Variants in ARB2A observed in about 807,000 individuals in gnomAD.
ARB2A encodes ARB2 cotranscriptional regulator A, also known as cotranscriptional regulator ARB2A.
At chr5:93,960,093 C>A in the ARB2A span, among the ~76,000 whole-genome samples, 47 of 143,374 alleles carry the variant, frequency 3.3e-4, 1 homozygote, top group East Asian at 8.2e-4. Context: ...CCCCCCCCCC[C>A]CCAAAAAAAG....
At chr5:93,969,157 G>A in the ARB2A span, among the ~76,000 whole-genome samples, 2 of 149,776 alleles carry the variant, frequency 1.3e-5, no homozygotes, top group African/African-American at 4.9e-5. Flanking sequence ...AAGAAATGAA[G>A]GTAAAATAAA....
chr5:93,873,125 T>A, the ARB2A span, among the ~76,000 whole-genome samples: 1 of 151,890 alleles, frequency 6.6e-6, no homozygotes, highest in Non-Finnish European at 1.5e-5. Flanking sequence ...ATCAAACCTT[T>A]ATTTTAAAAA....
At chr5:94,031,439 G>A in the ARB2A span, among the ~76,000 whole-genome samples, 104 of 152,318 alleles carry the variant, frequency 6.8e-4, no homozygotes, top group African/African-American at 2.4e-3. Flanking sequence ...TTAATAGAGG[G>A]CCAAACTTAG....
the ARB2A span, among the ~76,000 whole-genome samples, chr5:93,669,328 A>C: frequency 2.0e-5 from 3 of 152,318 alleles, no homozygotes; most frequent in Non-Finnish European, 4.4e-5. Context: ...GTAACACTTA[A>C]ATGGTAAATC....
the ARB2A span, among the ~76,000 whole-genome samples, chr5:93,858,262 T>A: frequency 1.3e-5 from 2 of 152,190 alleles, no homozygotes; most frequent in Non-Finnish European, 2.9e-5. Flanking sequence ...ACTTCCTACC[T>A]AGCACCTTAC....
chr5:93,970,568 TG>T, the ARB2A span, among the ~76,000 whole-genome samples: 1 of 152,190 alleles, frequency 6.6e-6, no homozygotes, highest in Non-Finnish European at 1.5e-5. Flanking sequence ...CTACCTGTTA[TG>T]TGGGACACTG....
At chr5:94,084,135 A>G in the ARB2A span, among the ~76,000 whole-genome samples, 5,446 of 151,914 alleles carry the variant, frequency 0.036, 212 homozygotes, top group East Asian at 0.16. Context: ...TTAGCCGGGC[A>G]TGGTGGCAGG....
the ARB2A span, chr5:93,743,014 T>A: frequency 6.6e-6 from 1 of 152,226 alleles, no homozygotes; most frequent in Non-Finnish European, 1.5e-5. Context: ...GTGTCAAATC[T>A]TATGTACTGG....
the ARB2A span, among the ~76,000 whole-genome samples, chr5:93,956,703 C>A: frequency 7.7e-4 from 116 of 151,038 alleles, no homozygotes; most frequent in African/African-American, 2.6e-3. Flanking sequence ...AAGAATGGGA[C>A]AGCTTCTTAT....
the ARB2A span, among the ~76,000 whole-genome samples, chr5:94,069,399 C>T: frequency 2.0e-5 from 3 of 151,992 alleles, no homozygotes. Flanking sequence ...ATGGTTAAAG[C>T]CTTTTGAGAA....
chr5:93,791,161 G>C, the ARB2A span, among the ~76,000 whole-genome samples: 3 of 152,118 alleles, frequency 2.0e-5, no homozygotes, highest in Non-Finnish European at 4.4e-5. Flanking sequence ...AAGTGATTTG[G>C]TTTCGATTAA....
At chr5:93,666,158 T>A in the ARB2A span, among the ~76,000 whole-genome samples, 2 of 152,300 alleles carry the variant, frequency 1.3e-5, no homozygotes. Flanking sequence ...GGAGATACAA[T>A]CCTGATAGAA....
At chr5:93,758,225 C>G in the ARB2A span, among the ~76,000 whole-genome samples, 1 of 152,136 alleles carries the variant, frequency 6.6e-6, no homozygotes. Context: ...GCATCTAACA[C>G]TGGAGCTCCC....
chr5:93,770,259 C>G, the ARB2A span, among the ~76,000 whole-genome samples: 489 of 152,194 alleles, frequency 3.2e-3, 2 homozygotes, highest in African/African-American at 0.011. Flanking sequence ...TTCAACAACC[C>G]TTCATGCTAA....
At chr5:93,750,957 A>G in the ARB2A span, among the ~76,000 whole-genome samples, 4,301 of 152,278 alleles carry the variant, frequency 0.028, 186 homozygotes, top group African/African-American at 0.098. Context: ...AAAGTAAATA[A>G]AAGTAAAAAA....
chr5:93,705,255 T>C, the ARB2A span, among the ~76,000 whole-genome samples: 2 of 152,158 alleles, frequency 1.3e-5, no homozygotes, highest in Non-Finnish European at 2.9e-5. Flanking sequence ...AAGTTAACCA[T>C]AGGCCAAAAT....
At chr5:93,784,333 A>G in the ARB2A span, 5 of 1,347,018 alleles carry the variant, frequency 3.7e-6, no homozygotes, top group Non-Finnish European at 4.2e-6. Context: ...GGCTCAAGAT[A>G]TAAAGGCTCA....
At chr5:93,666,491 T>C in the ARB2A span, among the ~76,000 whole-genome samples, 2 of 151,604 alleles carry the variant, frequency 1.3e-5, no homozygotes, top group Non-Finnish European at 2.9e-5. Flanking sequence ...AGGATCAAAA[T>C]AGTGCTATAT....
the ARB2A span, among the ~76,000 whole-genome samples, chr5:93,772,183 A>G: frequency 6.6e-6 from 1 of 152,220 alleles, no homozygotes; most frequent in African/African-American, 2.4e-5. Context: ...GGAAATCATC[A>G]TTCTCAGTAA....
Sources: allele counts gnomAD v4.1 joint callset (sites outside exome capture counted in the v4.1 genomes callset), GRCh38; gene constraint gnomAD v4.1.1; transcripts MANE v1.5; gene names NCBI Gene and HGNC (gene_info 2026-07-23, HGNC 2026-07-21).